The following GTPBP4 variants were observed in gnomAD, a reference collection of about 807,000 sequenced individuals.
GTPBP4 encodes the protein GTP binding protein 4.
In GTPBP4, 15 loss-of-function variants were observed where a neutral mutation model predicts 81.7. That is an observed-to-expected ratio of 0.18 (90% CI 0.12 to 0.28). GTPBP4 has a LOEUF of 0.28. Among genes scored for constraint, GTPBP4 ranks in the 10% least tolerant of loss-of-function variants. The pLI is 1.00. For missense variants in GTPBP4, 847 were observed against 793.8 expected (o/e 1.07, Z -0.81); for synonymous variants, 272 against 274.6 (o/e 0.99, Z 0.09).
rs754745424 is a variant in GTPBP4 at position 1,007,151 on chromosome 10, C to T, written c.1113+23C>T. On this transcript the variant is annotated intron_variant, in intron 10 of 16. Coordinates refer to ENST00000360803, the MANE Select transcript of GTPBP4 (RefSeq NM_012341.3). ...AAGGTAAGACGGCCCCTGGGACAGC[C>T]GTGGGCTCACAGTACTGTCAGCAGG... The T allele has an allele frequency of 7.6e-6, 10 of 1,310,356 alleles. No homozygotes were observed. The Admixed American group carries it at 1.0e-4, about 13-fold the overall frequency. The allele number at this position is 1,310,356 out of a possible 1,614,324, so 81.2% of individuals were successfully genotyped here. A position where few individuals can be genotyped will look rare whatever the true frequency, so the allele number is the denominator to read the frequency against.
At position 1,008,968 on chromosome 10, in the gene GTPBP4, C is replaced by G. The variant is rs762196336; in HGVS notation, c.1124C>G (p.Pro375Arg). 5.6e-6 allele frequency: 9 copies of G among 1,610,094 alleles called. No homozygotes were observed. The African/African-American group carries it at 8.0e-5, about 14-fold the overall frequency. ...ATGGGATCTTCTCAGGAGAGGCCCC[C>G]TTTCATCCCTGAAGGAGTGGTGGCT... ...PTRRDDKERP[P>R]FIPEGVVARR... Residue 375 changes from proline (P) to arginine (R), a missense_variant, in exon 11 of 17, where the codon CCT becomes CGT. By Grantham distance (103) the Pro-to-Arg change is moderately radical. Transcript: ENST00000360803.
In GTPBP4 at chr10:1,019,587, A is replaced by G; in HGVS notation, c.*2360A>G. 1 of 1,614,072 alleles carries G rather than the reference A, an allele frequency of 6.2e-7. No homozygotes were observed. The highest frequency in any genetic ancestry group is 2.2e-5 in the East Asian group (1 of 44,858). On this transcript the variant is annotated 3_prime_UTR_variant, in exon 17 of 17. Coordinates refer to ENST00000360803, the MANE Select transcript of GTPBP4 (RefSeq NM_012341.3). The stretch of plus-strand genomic sequence containing the variant: ...ATCCAGGTGAGGCCACCACCGGTAC[A>G]GAAACCTCTCGGCAATGGTTCTTAG...
intron 8 of GTPBP4, among the ~76,000 whole-genome samples, chr10:1,005,499 G>C (rs1831712477): frequency 6.6e-6 from 1 of 152,072 alleles, no homozygotes; most frequent in African/African-American, 2.4e-5. Context: ...GCTCCCCAGG[G>C]TGCCTGTTAC....
chr10:1,004,772 T>C (rs1185593630), intron 8 of GTPBP4, among the ~76,000 whole-genome samples: 2 of 152,170 alleles, frequency 1.3e-5, no homozygotes, highest in African/African-American at 4.8e-5. Context: ...TGCTCACAGC[T>C]GGCTTGGGGA....
intron 1 of GTPBP4, among the ~76,000 whole-genome samples, chr10:990,979 G>A (rs1357293119): frequency 1.3e-5 from 2 of 151,920 alleles, no homozygotes; most frequent in African/African-American, 4.8e-5. Flanking sequence ...AGGGGAGACC[G>A]TGTGTGCCCC....
At position 997,320 on chromosome 10, in the gene GTPBP4, T is replaced by G; in HGVS notation, c.561+12T>G. ...GCTTCATCAACAAGGTTGGTCTGGT[T>G]TTTATCGTAAAGCAAATCATCTGAC... On this transcript the variant is annotated intron_variant, in intron 5 of 16. Transcript: ENST00000360803. The G allele has an allele frequency of 1.4e-6, 2 of 1,420,064 alleles. No individual in the cohort carries two copies. Among genetic ancestry groups the G allele is most frequent in the Non-Finnish European group, 2.0e-6 (2 of 1,002,750 alleles). 88.0% of individuals were successfully genotyped at this position (1,420,064 alleles called of 1,614,324 possible). A position where few individuals can be genotyped will look rare whatever the true frequency, so the allele number is the denominator to read the frequency against.
At chr10:992,697 C>G in intron 2 of GTPBP4, 38 bp downstream of exon 2, 1 of 1,316,324 alleles carries the variant, frequency 7.6e-7, no homozygotes, top group Non-Finnish European at 1.1e-6. Context: ...TATGTAAATA[C>G]GGGCTTTCAG....
intron 1 of GTPBP4, among the ~76,000 whole-genome samples, chr10:991,219 G>A (rs1831435729): frequency 6.6e-6 from 1 of 152,216 alleles, no homozygotes; most frequent in Non-Finnish European, 1.5e-5. Context: ...CCTGAATTCC[G>A]TGAAGGAAGG....
At chr10:996,347 G>T in intron 4 of GTPBP4, 105 bp downstream of exon 4, 1 of 957,230 alleles carries the variant, frequency 1.0e-6, no homozygotes. Context: ...GGAGATGACA[G>T]GGTCAGTTAT....
intron 1 of GTPBP4, among the ~76,000 whole-genome samples, chr10:989,410 C>T (rs922224410): frequency 2.6e-5 from 4 of 152,118 alleles, no homozygotes; most frequent in Non-Finnish European, 4.4e-5. Context: ...CCACTGCGCC[C>T]GGCCCTAGTA....
At chr10:995,844 G>A (rs1231687711) in intron 2 of GTPBP4, 85 bp from the exon 3 acceptor site, 2 of 765,510 alleles carry the variant, frequency 2.6e-6, no homozygotes, top group Non-Finnish European at 4.6e-6. Flanking sequence ...GGCGTGGAGG[G>A]AGAGGGAAAG....
Position 1,007,113 on chromosome 10 carries a change from C to T in GTPBP4, c.1098C>T (p.Thr366=), listed in dbSNP as rs1484098876. The T allele has an allele frequency of 6.3e-7, 1 of 1,592,152 alleles. No homozygotes were observed. The highest frequency in any genetic ancestry group is 1.7e-5 in the Admixed American group (1 of 60,000). Residue 366 remains threonine (T), a synonymous_variant, in exon 10 of 17, where the codon ACC becomes ACT. Coordinates refer to ENST00000360803, the MANE Select transcript of GTPBP4 (RefSeq NM_012341.3). ...ATAGACTGCACCTGGCTATCCCAAC[C>T]AGGAGGGACGATAAGGTAAGACGGC... The part of the protein sequence containing the change: ...VLNRLHLAIP[T]RRDDKERPPF...
rs1282195093 is a variant in GTPBP4, at chr10:1,000,287, G to GAGTGCAGT, written c.655-389_655-382dup. ...GATGGAGTCTCTGTCACCCAGGCTG[G>GAGTGCAGT]AGTGCAGTGTCGCTATCTTGGCTCA... On this transcript the variant is annotated intron_variant, in intron 6 of 16. Transcript: ENST00000360803. 2.2e-5 allele frequency among the ~76,000 whole-genome samples: 3 copies of GAGTGCAGT among 137,546 alleles called. No individual in the cohort carries two copies. The Admixed American group carries it at 2.3e-4, about 11-fold the overall frequency. 90.2% of individuals were successfully genotyped at this position (137,546 alleles called of 152,430 possible). A position where few individuals can be genotyped will look rare whatever the true frequency, so the allele number is the denominator to read the frequency against.
intron 11 of GTPBP4, 62 bp downstream of exon 11, chr10:1,009,097 C>T (rs1464544592): frequency 5.5e-6 from 7 of 1,267,112 alleles, no homozygotes; most frequent in South Asian, 2.4e-5. Flanking sequence ...GTGTGCCCAT[C>T]GTGGGGGCCT....
rs530560832 is a variant in GTPBP4, at chr10:1,012,723, A to G, written c.1542+61A>G. 1.9e-5 allele frequency: 22 copies of G among 1,154,828 alleles called. No individual in the cohort carries two copies. The African/African-American group carries it at 2.0e-4, about 10-fold the overall frequency. 71.5% of individuals were successfully genotyped at this position (1,154,828 alleles called of 1,614,324 possible). A position where few individuals can be genotyped will look rare whatever the true frequency, so the allele number is the denominator to read the frequency against. On this transcript the variant is annotated intron_variant, in intron 14 of 16. Coordinates refer to ENST00000360803, the MANE Select transcript of GTPBP4 (RefSeq NM_012341.3). ...TTTTTGAAAATTGGATTCCTGTGTG[A>G]TCATTGCTAAATAACAACTTTTCAA...
At chr10:999,420 G>T (rs184361372) in intron 6 of GTPBP4, among the ~76,000 whole-genome samples, 2 of 152,216 alleles carry the variant, frequency 1.3e-5, no homozygotes, top group Non-Finnish European at 2.9e-5. Flanking sequence ...ACTGCACCTG[G>T]CAAGAGTCTT....
At chr10:993,408 G>A (rs1293185986) in intron 2 of GTPBP4, among the ~76,000 whole-genome samples, 1 of 151,868 alleles carries the variant, frequency 6.6e-6, no homozygotes, top group Non-Finnish European at 1.5e-5. Flanking sequence ...GCATAACCAC[G>A]CCTAATTTTT....
chr10:992,255 C>A (rs1431386852), intron 1 of GTPBP4, among the ~76,000 whole-genome samples: 1 of 151,560 alleles, frequency 6.6e-6, no homozygotes, highest in Non-Finnish European at 1.5e-5. Flanking sequence ...AAAAAATTAG[C>A]CGGGTGTGGT....
In GTPBP4 at chr10:1,012,613, C is replaced by A; in HGVS notation, c.1493C>A (p.Ser498Tyr). 6.2e-7 allele frequency: 1 copy of A among 1,613,902 alleles called. No individual in the cohort carries two copies. The highest frequency in any genetic ancestry group is 1.1e-5 in the South Asian group (1 of 91,042). The change falls in exon 14 of 17, where the codon TCC (serine) becomes TAC (tyrosine). Residue 498 changes from serine (S) to tyrosine (Y), a missense_variant. Ser to Tyr is a moderately radical substitution (Grantham distance 144). Transcript: ENST00000360803. ...AAAAAGAAGTTGAAAATTCTGGAGT[C>A]CAAAGAAAAGAATACACAGGGACCC... ...REKKKLKILE[S>Y]KEKNTQGPRM...
Sources: gnomAD v4.1 joint callset for allele counts (sites outside exome capture counted in the v4.1 genomes callset) on GRCh38, gnomAD v4.1.1 for gene constraint, MANE v1.5 for transcripts, NCBI Gene and HGNC (gene_info 2026-07-23, HGNC 2026-07-21) for gene names.